Variants in MTMR9 observed in about 807,000 individuals in gnomAD.
MTMR9 encodes the protein myotubularin related protein 9.
A neutral mutation model predicts 69.5 loss-of-function variants in MTMR9; 39 were observed. The ratio of observed to expected loss-of-function variants is 0.56; its 90% CI spans 0.43 to 0.73. The LOEUF (loss-of-function observed/expected upper bound fraction) is 0.73, where lower values mean the gene tolerates loss of function less well. Ranked by LOEUF, MTMR9 falls within the 30% of genes least tolerant of loss-of-function variation. The probability of loss-of-function intolerance (pLI) is 0.00; values close to 1 mark genes in which losing one functional copy is unlikely to be tolerated. For synonymous variants in MTMR9, 354 were observed against 240.8 expected, an observed-to-expected ratio of 1.47 and a Z score of -4.35; for missense variants, 900 against 671.2, an observed-to-expected ratio of 1.34 and a Z score of -3.77.
chr8:11,297,098 A>G (rs945705802), intron 2 of MTMR9, among the ~76,000 whole-genome samples: 9 of 152,170 alleles, frequency 5.9e-5, no homozygotes, highest in Admixed American at 2.0e-4. Flanking sequence ...CTACTATAGG[A>G]ACGTTGATTT....
chr8:11,297,826 A>C (rs1799613453), intron 2 of MTMR9: 1 of 455,466 alleles, frequency 2.2e-6, no homozygotes, highest in East Asian at 6.9e-5. Flanking sequence ...TCAGAAAATG[A>C]ATGCTCTGTT....
chr8:11,295,916 C>A (rs1799540374), intron 2 of MTMR9, among the ~76,000 whole-genome samples: 1 of 152,106 alleles, frequency 6.6e-6, no homozygotes, highest in African/African-American at 2.4e-5. Context: ...CTACAGAGTT[C>A]CTTAGAGACA....
intron 8 of MTMR9, chr8:11,317,383 G>T (rs1429392260): frequency 1.3e-5 from 2 of 152,338 alleles, no homozygotes; most frequent in Non-Finnish European, 2.9e-5. Flanking sequence ...AGCGGGATTG[G>T]TGATGGTTTT....
chr8:11,309,647 G>A lies in MTMR9; in HGVS notation c.930G>A (p.Glu310=). 1 of 1,613,938 alleles carries A rather than the reference G, an allele frequency of 6.2e-7. No individual in the cohort carries two copies. Among genetic ancestry groups the A allele is most frequent in the Non-Finnish European group, 8.5e-7 (1 of 1,179,866 alleles). ...EASNWLTHIK[E]ILTTACLAAQ... is the part of the protein sequence containing the mutation. ...CTAACTGGCTGACTCACATCAAAGA[G>A]ATTCTGACAACTGCCTGCCTAGCGG... The change falls in exon 6 of 10, where the codon GAG becomes GAA. Residue 310 remains glutamate (E), a synonymous_variant. Coordinates refer to ENST00000221086, the MANE Select transcript of MTMR9 (RefSeq NM_015458.4).
the MTMR9 span, among the ~76,000 whole-genome samples, chr8:11,335,180 G>C: frequency 5.9e-5 from 9 of 152,150 alleles, no homozygotes; most frequent in African/African-American, 9.7e-5. Context: ...TCTAAAATAA[G>C]CAACCATAAT....
chr8:11,284,932 T>G lies in MTMR9; in HGVS notation c.44T>G (p.Val15Gly). 1 of 1,613,074 alleles carries G rather than the reference T, an allele frequency of 6.2e-7. No homozygotes were observed. Among genetic ancestry groups the G allele is most frequent in the Non-Finnish European group, 8.5e-7 (1 of 1,179,566 alleles). Residue 15 changes from valine (V) to glycine (G), a missense_variant, in exon 1 of 10, where the codon GTG becomes GGG. Coordinates refer to ENST00000221086, the MANE Select transcript of MTMR9 (RefSeq NM_015458.4). ...ELIKTPRVDN[V>G]VLHRPFYPAV... is the part of the protein sequence containing the mutation. ...ATTAAGACCCCGCGGGTGGACAATG[T>G]GGTGCTGCACCGGCCTTTCTACCCG... is the stretch of plus-strand genomic sequence containing the variant.
intron 6 of MTMR9, among the ~76,000 whole-genome samples, chr8:11,312,450 A>G (rs1434688247): frequency 1.3e-5 from 2 of 152,186 alleles, no homozygotes; most frequent in Non-Finnish European, 1.5e-5. Flanking sequence ...GGCTTCAAGC[A>G]ATCCTCCTGC....
chr8:11,328,102 C>T lies in MTMR9; in HGVS notation c.*5314C>T, dbSNP rs554715935. On this transcript the variant is annotated 3_prime_UTR_variant, in exon 10 of 10. Transcript: ENST00000221086. ...ATGGCTAGTGTTAAATTTCTATAGA[C>T]GATGGTAATAAAATCTGAATATATT... The T allele has an allele frequency of 5.3e-5, 8 of 152,012 alleles. No individual in the cohort carries two copies. In the East Asian group the frequency reaches 7.7e-4, roughly 15 times the overall value. The allele number at this position is 152,012 out of a possible 1,614,324, so 9.4% of individuals were successfully genotyped here.
At chr8:11,287,655 A>G (rs1034041704) in intron 1 of MTMR9, among the ~76,000 whole-genome samples, 1 of 142,662 alleles carries the variant, frequency 7.0e-6, no homozygotes, top group East Asian at 2.0e-4. Context: ...CCAGAAATAA[A>G]TATATATATT....
intron 1 of MTMR9, among the ~76,000 whole-genome samples, chr8:11,287,400 T>A (rs1799202001): frequency 6.6e-6 from 1 of 152,154 alleles, no homozygotes; most frequent in South Asian, 2.1e-4. Flanking sequence ...AGATGAGCCA[T>A]GGACCTTTGA....
intron 1 of MTMR9, chr8:11,285,400 GTA>G (rs1304453702): frequency 4.3e-6 from 1 of 233,698 alleles, no homozygotes; most frequent in Admixed American, 5.7e-5. Flanking sequence ...CCTTGAATTG[GTA>G]TTGTCAGTCA....
intron 2 of MTMR9, chr8:11,298,720 AC>A (rs1554501121): frequency 0.06 from 41,564 of 697,286 alleles, 16 homozygotes; most frequent in Middle Eastern, 0.068. Flanking sequence ...TCCCCGCTGC[AC>A]CCCCCCCCCG....
intron 3 of MTMR9, among the ~76,000 whole-genome samples, chr8:11,302,428 G>C (rs1482170347): frequency 2.0e-5 from 3 of 152,020 alleles, no homozygotes; most frequent in Non-Finnish European, 4.4e-5. Context: ...AAAATCTTTA[G>C]ACATGTTGTT....
chr8:11,330,969 C>A, downstream of MTMR9: 3 of 1,418,480 alleles, frequency 2.1e-6, no homozygotes, highest in South Asian at 4.6e-5. Flanking sequence ...TTGGACTCAG[C>A]GGGAAAATAG....
chr8:11,329,927 C>A (rs561764796), downstream of MTMR9, among the ~76,000 whole-genome samples: 1 of 151,590 alleles, frequency 6.6e-6, no homozygotes, highest in East Asian at 2.0e-4. Context: ...TGCCCGGCTG[C>A]GACCCCGTCT....
chr8:11,290,437 G>C (rs1291476361), intron 1 of MTMR9, among the ~76,000 whole-genome samples: 1 of 151,742 alleles, frequency 6.6e-6, no homozygotes, highest in African/African-American at 2.4e-5. Context: ...GGTGCCCTTT[G>C]TTGAACAGAA....
At chr8:11,286,451 G>A (rs1799160763) in intron 1 of MTMR9, among the ~76,000 whole-genome samples, 1 of 151,502 alleles carries the variant, frequency 6.6e-6, no homozygotes, top group Admixed American at 6.6e-5. Context: ...GATCACCTGA[G>A]GTTAGGAGTT....
chr8:11,304,166 C>G (rs1563274159), intron 3 of MTMR9, among the ~76,000 whole-genome samples: 1 of 152,030 alleles, frequency 6.6e-6, no homozygotes, highest in Non-Finnish European at 1.5e-5. Context: ...AGTCCTTACT[C>G]AGTTTGAAAT....
chr8:11,288,532 A>C (rs866957163), intron 1 of MTMR9, among the ~76,000 whole-genome samples: 3 of 151,964 alleles, frequency 2.0e-5, no homozygotes, highest in Non-Finnish European at 4.4e-5. Flanking sequence ...GTCTGGGGGA[A>C]GAGCATTGCA....
Sources: allele counts gnomAD v4.1 joint callset (sites outside exome capture counted in the v4.1 genomes callset), GRCh38; gene constraint gnomAD v4.1.1; transcripts MANE v1.5; gene names NCBI Gene and HGNC (gene_info 2026-07-23, HGNC 2026-07-21).